CROT: variants seen among roughly 807,000 people sequenced by gnomAD.
CROT encodes peroxisomal carnitine O-octanoyltransferase.
Under a neutral mutation model 89.2 loss-of-function variants are expected in CROT, and 84 were observed. The observed-to-expected ratio is 0.94, with a 90% CI of 0.79 to 1.13. CROT has a LOEUF of 1.13. Among genes scored for constraint, CROT ranks in the 50% most tolerant of loss-of-function variants. CROT has a pLI of 0.00. For missense variants in CROT, 711 were observed against 727.8 expected, an observed-to-expected ratio of 0.98 and a Z score of 0.27; for synonymous variants, 212 against 239.5, an observed-to-expected ratio of 0.89 and a Z score of 1.06.
At chr7:87,389,519 A>G (rs1316695146) in intron 13 of CROT, among the ~76,000 whole-genome samples, 2 of 152,122 alleles carry the variant, frequency 1.3e-5, no homozygotes, top group Non-Finnish European at 2.9e-5. Context: ...AAACTAACAC[A>G]GGAACAGAAA....
chr7:87,363,069 G>T (rs549692899), intron 6 of CROT, among the ~76,000 whole-genome samples: 40 of 152,286 alleles, frequency 2.6e-4, no homozygotes, highest in African/African-American at 9.6e-4. Flanking sequence ...ATAGCAAAAA[G>T]AGAAAATATG....
rs1225783361 is a variant in CROT at position 87,365,619 on chromosome 7, TGTC to T, written c.548-3756_548-3754del. 2.2e-4 allele frequency among the ~76,000 whole-genome samples: 33 copies of T among 148,900 alleles called. 1 individual carries two copies. The highest frequency in any genetic ancestry group is 7.1e-4 in the African/African-American group (28 of 39,592). The stretch of plus-strand genomic sequence containing the variant: ...TAAAACTAGTTTTTTGTTTTTTGTT[TGTC>T]TTTTTTTTTTTTTTTTGGTCTGTCA... On this transcript the variant is annotated intron_variant, in intron 6 of 17. Coordinates refer to ENST00000331536, the MANE Select transcript of CROT (RefSeq NM_021151.4).
rs1300623009 is a variant in CROT, at chr7:87,361,857, G to T, written c.547+5G>T. 1 of 1,570,456 alleles carries T rather than the reference G, an allele frequency of 6.4e-7. No individual in the cohort carries two copies. ...TTATGAATTATTTTAGGACTGGTAA[G>T]TAAAAATGCAGATATCGTTTTTAGT... On this transcript the variant is annotated splice_donor_5th_base_variant and intron_variant, in intron 6 of 17. Transcript: ENST00000331536.
chr7:87,393,412 T>C (rs1807430991), intron 17 of CROT, among the ~76,000 whole-genome samples: 1 of 152,190 alleles, frequency 6.6e-6, no homozygotes, highest in South Asian at 2.1e-4. Flanking sequence ...TATATGGTGG[T>C]TCATGTAGTC....
chr7:87,394,266 A>G (rs1389518450), intron 17 of CROT, among the ~76,000 whole-genome samples: 1 of 152,206 alleles, frequency 6.6e-6, no homozygotes, highest in Non-Finnish European at 1.5e-5. Context: ...CATAATGCTA[A>G]TCATCTCTGC....
intron 7 of CROT, among the ~76,000 whole-genome samples, chr7:87,371,011 G>A (rs989685151): frequency 1.3e-5 from 2 of 152,182 alleles, no homozygotes; most frequent in African/African-American, 4.8e-5. Context: ...CAGAGTAGAA[G>A]ATGTTTATAA....
In CROT at chr7:87,345,699, GC is replaced by G. The variant is rs1306953552; in HGVS notation, c.-180del. 5.4e-6 allele frequency: 2 copies of G among 369,318 alleles called. No homozygotes were observed. The highest frequency in any genetic ancestry group is 9.6e-6 in the Non-Finnish European group (2 of 208,000). The allele number at this position is 369,318 out of a possible 1,614,324, so 22.9% of individuals were successfully genotyped here. ...CCGCACCTTTGAGGCCCAAGGGGGAGCGAGCCGGTGCTGCTGCAGGCTGAGG... is the reference window on the plus strand; with the variant it reads ...CCGCACCTTTGAGGCCCAAGGGGGAGGAGCCGGTGCTGCTGCAGGCTGAGG... On this transcript the variant is annotated 5_prime_UTR_variant, in exon 1 of 18. Coordinates refer to ENST00000331536, the MANE Select transcript of CROT (RefSeq NM_021151.4).
In CROT at chr7:87,359,191, A is replaced by AT. The variant is rs747681274; in HGVS notation, c.116-10dup. 6.5e-7 allele frequency: 1 copy of AT among 1,527,466 alleles called. No homozygotes were observed. Among genetic ancestry groups the AT allele is most frequent in the Non-Finnish European group, 9.0e-7 (1 of 1,106,638 alleles). 94.6% of individuals were successfully genotyped at this position (1,527,466 alleles called of 1,614,324 possible). The stretch of plus-strand genomic sequence containing the variant: ...ACTTGGTCTAAATACCTTAATACGT[A>AT]TTTTTCCTTTCTAGTGAAACCATTT... On this transcript the variant is annotated splice_polypyrimidine_tract_variant and intron_variant, in intron 3 of 17. Transcript: ENST00000331536.
At chr7:87,363,913 G>C (rs1179020779) in intron 6 of CROT, among the ~76,000 whole-genome samples, 1 of 152,106 alleles carries the variant, frequency 6.6e-6, no homozygotes, top group Non-Finnish European at 1.5e-5. Flanking sequence ...GGGTTAGCAG[G>C]AATATTCATA....
At chr7:87,348,712 A>G (rs1805776195) in intron 2 of CROT, among the ~76,000 whole-genome samples, 2 of 152,268 alleles carry the variant, frequency 1.3e-5, no homozygotes, top group African/African-American at 4.8e-5. Context: ...ATTGCAAAGA[A>G]TGCCACCTTT....
chr7:87,356,936 C>T (rs945600639), intron 3 of CROT, among the ~76,000 whole-genome samples: 8 of 152,074 alleles, frequency 5.3e-5, no homozygotes, highest in African/African-American at 1.9e-4. Context: ...GCAGGAGAAT[C>T]GCCTGAACCT....
intron 7 of CROT, 123 bp downstream of exon 7, chr7:87,369,607 T>TA: frequency 2.8e-6 from 1 of 361,378 alleles, no homozygotes; most frequent in Non-Finnish European, 4.9e-6. Context: ...TATGCATGCT[T>TA]TTTTAAAAAA....
At chr7:87,351,401 AT>A (rs943868382) in intron 3 of CROT, among the ~76,000 whole-genome samples, 13 of 151,882 alleles carry the variant, frequency 8.6e-5, no homozygotes, top group African/African-American at 2.9e-4. Flanking sequence ...AAATTAGCCT[AT>A]TTGATATGCC....
rs571920215 is a variant in CROT at position 87,373,443 on chromosome 7, C to T, written c.657-2189C>T. Among the ~76,000 whole-genome samples the T allele has an allele frequency of 2.3e-3, 350 of 151,986 alleles. 2 individuals carry two copies. Among genetic ancestry groups the T allele is most frequent in the Admixed American group, 4.9e-3 (75 of 15,258 alleles). On this transcript the variant is annotated intron_variant, in intron 7 of 17. Coordinates refer to ENST00000331536, the MANE Select transcript of CROT (RefSeq NM_021151.4). ...GTTTTGACAAAATCCAATTTTATCT[C>T]TTTTTTTGTTGTTACATGTGCTTTT... is the stretch of plus-strand genomic sequence containing the variant.
At chr7:87,370,549 T>C (rs7786781) in intron 7 of CROT, among the ~76,000 whole-genome samples, 13,209 of 152,256 alleles carry the variant, frequency 0.087, 631 homozygotes, top group South Asian at 0.17. Flanking sequence ...AATTGTTGGG[T>C]ATATATATCT....
At chr7:87,350,861 G>A (rs1248338628) in intron 3 of CROT, among the ~76,000 whole-genome samples, 1 of 152,126 alleles carries the variant, frequency 6.6e-6, no homozygotes. Flanking sequence ...CTGAATTTGG[G>A]TAGCCATTAA....
intron 10 of CROT, among the ~76,000 whole-genome samples, chr7:87,378,686 C>T (rs997441399): frequency 6.6e-6 from 1 of 152,146 alleles, no homozygotes; most frequent in Admixed American, 6.5e-5. Flanking sequence ...TGGAATAATC[C>T]TCATCAGTTG....
At chr7:87,391,021 T>G (rs1421439965) in intron 13 of CROT, among the ~76,000 whole-genome samples, 1 of 152,248 alleles carries the variant, frequency 6.6e-6, no homozygotes, top group African/African-American at 2.4e-5. Flanking sequence ...TGTTTTCATC[T>G]GCTCTCCTGA....
intron 14 of CROT, 125 bp from the exon 15 acceptor site, chr7:87,392,441 T>C (rs908932631): frequency 1.4e-5 from 10 of 722,542 alleles, no homozygotes; most frequent in Non-Finnish European, 1.5e-5. Flanking sequence ...GTATGTGTTA[T>C]AGATCTTCCT....
Sources: gnomAD v4.1 joint callset for allele counts (sites outside exome capture counted in the v4.1 genomes callset) on GRCh38, gnomAD v4.1.1 for gene constraint, MANE v1.5 for transcripts, NCBI Gene and HGNC (gene_info 2026-07-23, HGNC 2026-07-21) for gene names.